The following ARNT2 variants were observed in gnomAD, a reference collection of about 807,000 sequenced individuals.
ARNT2 encodes aryl hydrocarbon receptor nuclear translocator 2, also known as ARNT protein 2.
A neutral mutation model predicts 91.7 loss-of-function variants in ARNT2; 36 were observed. The ratio of observed to expected loss-of-function variants is 0.39; its 90% CI spans 0.30 to 0.52. The LOEUF (loss-of-function observed/expected upper bound fraction) is 0.52. Ranked by LOEUF, ARNT2 falls within the 20% of genes least tolerant of loss-of-function variation. The pLI is 0.72. For missense variants in ARNT2, 775 were observed against 939.3 expected (o/e 0.83, Z 2.29); for synonymous variants, 365 against 347.1 (o/e 1.05, Z -0.57).
In ARNT2 at chr15:80,491,178, ATTAG is replaced by A. The variant is rs1000376817; in HGVS notation, c.622+15962_622+15965del. Reference sequence around the variant, plus strand: ...CTGGGGAAGTGAGGAAGGCCATTGTATTAGTTAGTTTTCACGCTGCTGATAAAGA... The same window carrying A: ...CTGGGGAAGTGAGGAAGGCCATTGTATTAGTTTTCACGCTGCTGATAAAGA... On this transcript the variant is annotated intron_variant, in intron 5 of 18. Coordinates refer to ENST00000303329, the MANE Select transcript of ARNT2 (RefSeq NM_014862.4). Among the ~76,000 whole-genome samples the A allele has an allele frequency of 1.7e-4, 26 of 152,266 alleles. 2 individuals are homozygous for A. Among genetic ancestry groups the A allele is most frequent in the East Asian group, 3.9e-4 (2 of 5,192 alleles).
chr15:80,576,879 G>A lies in ARNT2; in HGVS notation c.1527G>A (p.Met509Ile), dbSNP rs1259081525. Residue 509 changes from methionine (M) to isoleucine (I), a missense_variant, in exon 15 of 19, where the codon ATG becomes ATA. By Grantham distance (10) the Met-to-Ile change is conservative (BLOSUM62 1). Coordinates refer to ENST00000303329, the MANE Select transcript of ARNT2 (RefSeq NM_014862.4). The part of the protein sequence containing the change: ...FAGISASEKK[M>I]MSSASAAGTQ... ...TGGTTTTCCTAGCGGAGAAGAAGAT[G>A]ATGAGCTCAGCCTCTGCAGCAGGAA... 5 of 1,613,978 alleles carry A rather than the reference G, an allele frequency of 3.1e-6. No homozygotes were observed. Among genetic ancestry groups the A allele is most frequent in the Non-Finnish European group, 4.2e-6 (5 of 1,180,044 alleles).
intron 1 of ARNT2, among the ~76,000 whole-genome samples, chr15:80,419,209 G>A (rs1323612218): frequency 6.6e-6 from 1 of 152,152 alleles, no homozygotes; most frequent in Non-Finnish European, 1.5e-5. Context: ...GGAGTCAGTC[G>A]TTCAGGGGTG....
At chr15:80,514,046 G>C in intron 7 of ARNT2, 70 bp downstream of exon 7, 1 of 1,455,802 alleles carries the variant, frequency 6.9e-7, no homozygotes, top group Non-Finnish European at 9.6e-7. Flanking sequence ...AAGCTAAGCA[G>C]CCTAGATTAA....
Position 80,537,066 on chromosome 15 carries a change from A to G in ARNT2, c.878-14133A>G, listed in dbSNP as rs1897837575. On this transcript the variant is annotated intron_variant, in intron 8 of 18. Coordinates refer to ENST00000303329, the MANE Select transcript of ARNT2 (RefSeq NM_014862.4). ...AAACCTAGAGCACTCTTTCATCCTCAGCCCAGAGCACTCTTTTCGCAGGCT... is the reference window on the plus strand; with the variant it reads ...AAACCTAGAGCACTCTTTCATCCTCGGCCCAGAGCACTCTTTTCGCAGGCT... Among the ~76,000 whole-genome samples, 10 of 152,222 alleles carry G rather than the reference A, an allele frequency of 6.6e-5. No homozygotes were observed. The South Asian group carries it at 2.1e-3, about 32-fold the overall frequency.
rs75256393 is a variant in ARNT2 at position 80,531,774 on chromosome 15, G to A, written c.877+17369G>A. Among the ~76,000 whole-genome samples, 853 of 152,290 alleles carry A rather than the reference G, an allele frequency of 5.6e-3. 12 individuals are homozygous for A. The highest frequency in any genetic ancestry group is 0.019 in the African/African-American group (786 of 41,568). On this transcript the variant is annotated intron_variant, in intron 8 of 18. Coordinates refer to ENST00000303329, the MANE Select transcript of ARNT2 (RefSeq NM_014862.4). ...TACCTGGAGTTTGGACTCATTGAAT[G>A]TCAGAGCCAAAGAGAACCTGGGGCA...
At chr15:80,593,155 C>T (rs1279123476) in intron 18 of ARNT2, among the ~76,000 whole-genome samples, 1 of 152,208 alleles carries the variant, frequency 6.6e-6, no homozygotes, top group Non-Finnish European at 1.5e-5. Flanking sequence ...TTCAGGGATT[C>T]GTCCCTGCGC....
intron 2 of ARNT2, among the ~76,000 whole-genome samples, chr15:80,456,144 C>T (rs1377541143): frequency 6.6e-6 from 1 of 152,164 alleles, no homozygotes; most frequent in Non-Finnish European, 1.5e-5. Flanking sequence ...TTTAGAAAGT[C>T]TTGCATTCAG....
intron 8 of ARNT2, among the ~76,000 whole-genome samples, chr15:80,531,925 C>T (rs1282131843): frequency 2.1e-4 from 32 of 152,164 alleles, no homozygotes; most frequent in Admixed American, 2.1e-3. Flanking sequence ...AGCCCACACC[C>T]CGCAAAGGAC....
At chr15:80,417,201 G>A (rs1895798429) in intron 1 of ARNT2, among the ~76,000 whole-genome samples, 1 of 152,106 alleles carries the variant, frequency 6.6e-6, no homozygotes, top group South Asian at 2.1e-4. Context: ...TTGCTCACAT[G>A]GAATGCCTGA....
rs1893400316 is a variant in ARNT2 at position 80,597,759 on chromosome 15, GTACT to G, written c.*4064_*4067del. On this transcript the variant is annotated 3_prime_UTR_variant, in exon 19 of 19. Coordinates refer to ENST00000303329, the MANE Select transcript of ARNT2 (RefSeq NM_014862.4). Reference sequence around the variant, plus strand: ...AAGCAGGTGTCAGTGGACAGTTTAAGTACTTAACCATTTCTCTTTCTTCTTATGG... The same window carrying G: ...AAGCAGGTGTCAGTGGACAGTTTAAGTAACCATTTCTCTTTCTTCTTATGG... The G allele has an allele frequency of 6.4e-6, 1 of 155,948 alleles. No homozygotes were observed. The highest frequency in any genetic ancestry group is 1.9e-4 in the East Asian group (1 of 5,360). The allele number at this position is 155,948 out of a possible 1,614,324, so 9.7% of individuals were successfully genotyped here. A position where few individuals can be genotyped will look rare whatever the true frequency, so the allele number is the denominator to read the frequency against.
chr15:80,593,559 G>C (rs1205122327), intron 18 of ARNT2, 41 bp from the exon 19 acceptor site: 54 of 1,495,042 alleles, frequency 3.6e-5, no homozygotes, highest in Non-Finnish European at 4.6e-5. Flanking sequence ...ACGGACAGAG[G>C]AGCTGACTCC....
At chr15:80,480,530 G>A (rs1301824416) in intron 5 of ARNT2, among the ~76,000 whole-genome samples, 1 of 152,132 alleles carries the variant, frequency 6.6e-6, no homozygotes, top group Non-Finnish European at 1.5e-5. Context: ...CTGGAAAGTG[G>A]ATGTGCACAA....
At chr15:80,454,936 C>T (rs924095805) in intron 2 of ARNT2, among the ~76,000 whole-genome samples, 1 of 152,172 alleles carries the variant, frequency 6.6e-6, no homozygotes, top group African/African-American at 2.4e-5. Context: ...GAAGACTCTT[C>T]TATCATCCAT....
chr15:80,580,674 A>G (rs1898778843), intron 16 of ARNT2, 125 bp downstream of exon 16: 1 of 1,286,088 alleles, frequency 7.8e-7, no homozygotes, highest in African/African-American at 1.5e-5. Flanking sequence ...CCACCCTAAC[A>G]GCAGCTGGCT....
chr15:80,447,136 C>T (rs1896317847), intron 1 of ARNT2, among the ~76,000 whole-genome samples: 1 of 146,504 alleles, frequency 6.8e-6, no homozygotes, highest in Non-Finnish European at 1.5e-5. Context: ...TTTTTCTGTG[C>T]ATATAACACA....
At chr15:80,590,437 T>C (rs1893256390) in intron 17 of ARNT2, among the ~76,000 whole-genome samples, 1 of 152,172 alleles carries the variant, frequency 6.6e-6, no homozygotes, top group African/African-American at 2.4e-5. Context: ...CTCAAAAATG[T>C]TTTTCGACAA....
At chr15:80,439,434 G>GT (rs1294846599) in intron 1 of ARNT2, among the ~76,000 whole-genome samples, 1 of 152,156 alleles carries the variant, frequency 6.6e-6, no homozygotes, top group Non-Finnish European at 1.5e-5. Context: ...CAAATAATAG[G>GT]TTTTGGGCAA....
intron 1 of ARNT2, among the ~76,000 whole-genome samples, chr15:80,408,468 G>A (rs1895634388): frequency 6.6e-6 from 1 of 152,200 alleles, no homozygotes; most frequent in Non-Finnish European, 1.5e-5. Context: ...ATTTAGGAAT[G>A]GTCATTTTGC....
At chr15:80,593,513 T>C in intron 18 of ARNT2, 87 bp from the exon 19 acceptor site, 1 of 1,072,466 alleles carries the variant, frequency 9.3e-7, no homozygotes, top group South Asian at 1.5e-5. Flanking sequence ...GCCATGAGGG[T>C]GAGTGCAGAC....
Sources: gnomAD v4.1 joint callset for allele counts (sites outside exome capture counted in the v4.1 genomes callset) on GRCh38, gnomAD v4.1.1 for gene constraint, MANE v1.5 for transcripts, NCBI Gene and HGNC (gene_info 2026-07-23, HGNC 2026-07-21) for gene names.